RBMS3: variants seen among roughly 807,000 people sequenced by gnomAD.
The protein encoded by RBMS3 is RNA binding motif single stranded interacting protein 3.
Under a neutral mutation model 66.8 loss-of-function variants are expected in RBMS3, and 27 were observed. The observed-to-expected ratio is 0.40, with a 90% confidence interval of 0.30 to 0.56. The LOEUF is 0.56. Ranked by LOEUF, RBMS3 falls within the 20% of genes least tolerant of loss-of-function variation. RBMS3 has a pLI of 0.40. For missense variants in RBMS3, 513 were observed against 549.5 expected (o/e 0.93, Z 0.66); for synonymous variants, 188 against 183.0 (o/e 1.03, Z -0.22).
chr3:29,983,820 C>G (rs1009082813), intron 12 of RBMS3, among the ~76,000 whole-genome samples: 2 of 151,906 alleles, frequency 1.3e-5, no homozygotes, highest in African/African-American at 4.8e-5. Context: ...ATAACATGAC[C>G]TTTCTTTCTG....
At chr3:29,903,738 G>T (rs749881001) in intron 10 of RBMS3, among the ~76,000 whole-genome samples, 9 of 151,858 alleles carry the variant, frequency 5.9e-5, no homozygotes, top group Non-Finnish European at 1.2e-4. Flanking sequence ...AAGGAGAAAG[G>T]TCAGCTTTCA....
chr3:29,441,628 A>C (rs2041623226), intron 2 of RBMS3, among the ~76,000 whole-genome samples: 1 of 152,158 alleles, frequency 6.6e-6, no homozygotes, highest in African/African-American at 2.4e-5. Flanking sequence ...GGGTGGCATA[A>C]ATCATAGGTT....
At chr3:29,632,985 C>T (rs2149179753) in intron 4 of RBMS3, among the ~76,000 whole-genome samples, 1 of 151,958 alleles carries the variant, frequency 6.6e-6, no homozygotes, top group Non-Finnish European at 1.5e-5. Context: ...ATAAAGATCT[C>T]TAAGCAAATA....
intron 4 of RBMS3, among the ~76,000 whole-genome samples, chr3:29,653,799 C>T (rs1341601652): frequency 6.6e-6 from 1 of 152,128 alleles, no homozygotes; most frequent in Non-Finnish European, 1.5e-5. Context: ...CACAATTCTG[C>T]TTTTCCTAAT....
Position 29,757,185 on chromosome 3 carries a change from T to C in RBMS3, c.558-5725T>C, listed in dbSNP as rs548246237. Among the ~76,000 whole-genome samples, 4 of 152,258 alleles carry C rather than the reference T, an allele frequency of 2.6e-5. No individual in the cohort carries two copies. In the South Asian group the frequency reaches 8.3e-4, roughly 32 times the overall value. On this transcript the variant is annotated intron_variant, in intron 5 of 14. Transcript: ENST00000383767. The stretch of plus-strand genomic sequence containing the variant: ...GCATAAACTCAGATGTGGTTAAAAA[T>C]AGTCTGTTCTGAATAACAAAACATA...
chr3:29,476,228 C>T (rs899411299), intron 2 of RBMS3, among the ~76,000 whole-genome samples: 1 of 152,134 alleles, frequency 6.6e-6, no homozygotes. Context: ...TAACATAAGC[C>T]TGAAATTTCT....
At chr3:29,391,107 T>C in intron 1 of RBMS3, 1 of 232,658 alleles carries the variant, frequency 4.3e-6, no homozygotes. Flanking sequence ...TAGGAATCGA[T>C]AGTGGCAGAA....
At chr3:29,801,223 G>A (rs1162443985) in intron 6 of RBMS3, among the ~76,000 whole-genome samples, 1 of 151,020 alleles carries the variant, frequency 6.6e-6, no homozygotes, top group African/African-American at 2.4e-5. Context: ...ACTCCATTGT[G>A]GTTTAACTAT....
At chr3:29,587,228 T>A in intron 4 of RBMS3, 23 bp downstream of exon 4, 1 of 329,798 alleles carries the variant, frequency 3.0e-6, no homozygotes, top group Non-Finnish European at 4.2e-6. Flanking sequence ...TTTAGGGGTG[T>A]TTTTTTTTTT....
intron 4 of RBMS3, among the ~76,000 whole-genome samples, chr3:29,692,276 C>T (rs1185197377): frequency 6.6e-6 from 1 of 151,986 alleles, no homozygotes; most frequent in African/African-American, 2.4e-5. Flanking sequence ...GCCACCGCGC[C>T]CGACCTCTAT....
intron 3 of RBMS3, among the ~76,000 whole-genome samples, chr3:29,546,854 G>C (rs1214176281): frequency 6.6e-6 from 1 of 152,148 alleles, no homozygotes; most frequent in Non-Finnish European, 1.5e-5. Context: ...ATGACAGCAA[G>C]TCTATAACAC....
At chr3:29,366,866 C>A (rs2037937841) in intron 1 of RBMS3, among the ~76,000 whole-genome samples, 1 of 152,056 alleles carries the variant, frequency 6.6e-6, no homozygotes, top group African/African-American at 2.4e-5. Flanking sequence ...TTTAAAAAAT[C>A]TATAGCTTGA....
intron 4 of RBMS3, among the ~76,000 whole-genome samples, chr3:29,701,157 A>G (rs1392342005): frequency 6.6e-6 from 1 of 152,070 alleles, no homozygotes; most frequent in Non-Finnish European, 1.5e-5. Flanking sequence ...GGCTCCTGTA[A>G]TCCCAGCTAC....
At chr3:29,852,123 C>T (rs1196977989) in intron 6 of RBMS3, among the ~76,000 whole-genome samples, 12 of 152,092 alleles carry the variant, frequency 7.9e-5, no homozygotes, top group Non-Finnish European at 1.5e-4. Context: ...CTAGCTTAGC[C>T]GTATGCAGAA....
chr3:29,441,424 C>T (rs9847646), intron 2 of RBMS3, among the ~76,000 whole-genome samples: 24,338 of 152,004 alleles, frequency 0.16, 2,147 homozygotes, highest in East Asian at 0.37. Flanking sequence ...TCATACTCTA[C>T]TAAGTTTTTA....
At chr3:29,472,811 T>C (rs990354439) in intron 2 of RBMS3, among the ~76,000 whole-genome samples, 13 of 152,154 alleles carry the variant, frequency 8.5e-5, no homozygotes, top group African/African-American at 3.1e-4. Context: ...CAAGATTTAT[T>C]GCAAAGAGCG....
chr3:29,476,728 C>G (rs114588199), intron 2 of RBMS3, among the ~76,000 whole-genome samples: 5,753 of 152,116 alleles, frequency 0.038, 163 homozygotes, highest in African/African-American at 0.073. Context: ...ATCTTTTCTG[C>G]TTTTTCTATG....
rs35680221 is a variant in RBMS3, at chr3:29,947,969, A to AT, written c.1098+3724dup. Reference sequence around the variant, plus strand: ...GAATTTGAACCTAGGTTTGAAAAAAATTTTTTTTTAAAAAAGAAAAGAAAA... The same window carrying AT: ...GAATTTGAACCTAGGTTTGAAAAAAATTTTTTTTTTAAAAAAGAAAAGAAAA... On this transcript the variant is annotated intron_variant, in intron 12 of 14. Transcript: ENST00000383767. 1.5e-4 allele frequency among the ~76,000 whole-genome samples: 22 copies of AT among 150,916 alleles called. No homozygotes were observed. In the Admixed American group the frequency reaches 1.5e-3, roughly 10 times the overall value.
chr3:29,455,657 G>A (rs977124222), intron 2 of RBMS3, among the ~76,000 whole-genome samples: 2 of 152,144 alleles, frequency 1.3e-5, no homozygotes, highest in African/African-American at 2.4e-5. Flanking sequence ...CCAAAGCACT[G>A]TAACTGATAC....
Sources: gnomAD v4.1 joint callset for allele counts (sites outside exome capture counted in the v4.1 genomes callset) on GRCh38, gnomAD v4.1.1 for gene constraint, MANE v1.5 for transcripts, NCBI Gene and HGNC (gene_info 2026-07-23, HGNC 2026-07-21) for gene names.